The following CAMKMT variants were observed in gnomAD, a reference collection of about 807,000 sequenced individuals.
CAMKMT encodes the protein CaM KMT.
In CAMKMT, 53 loss-of-function variants were observed where a neutral mutation model predicts 48.0. The ratio of observed to expected loss-of-function variants is 1.10; its 90% CI spans 0.89 to 1.39. CAMKMT has a LOEUF of 1.39. CAMKMT is among the 40% of genes most tolerant of loss of function. CAMKMT has a pLI of 0.00. For missense variants in CAMKMT, 428 were observed against 402.7 expected (o/e 1.06, Z -0.54); for synonymous variants, 165 against 152.3 (o/e 1.08, Z -0.61).
At chr2:44,768,361 ATTT>A (rs1553448674) in intron 10 of CAMKMT, among the ~76,000 whole-genome samples, 12 of 115,708 alleles carry the variant, frequency 1.0e-4, no homozygotes, top group African/African-American at 1.5e-4. Context: ...ATATATATAT[ATTT>A]TTTTTTTTTT....
In CAMKMT at chr2:44,390,306, G is replaced by T. The variant is rs1681204384; in HGVS notation, c.376+1G>T. 3.8e-6 allele frequency: 6 copies of T among 1,593,004 alleles called. No individual in the cohort carries two copies. The highest frequency in any genetic ancestry group is 4.3e-6 in the Non-Finnish European group (5 of 1,165,192). On this transcript the variant is annotated splice_donor_variant, in intron 3 of 10. Coordinates refer to ENST00000378494, the MANE Select transcript of CAMKMT (RefSeq NM_024766.5). LOFTEE classifies it high-confidence loss of function. ...AGCTTTGACAATACAGGAAATGTTT[G>T]TAAGTTATACATTCACTCTATAGAA...
intron 3 of CAMKMT, among the ~76,000 whole-genome samples, chr2:44,655,266 A>ATTT (rs1674314130): frequency 6.6e-6 from 1 of 152,226 alleles, no homozygotes; most frequent in South Asian, 2.1e-4. Context: ...ATAAATGATA[A>ATTT]GCTCCCAAAT....
intron 3 of CAMKMT, among the ~76,000 whole-genome samples, chr2:44,485,193 G>A (rs1669157102): frequency 1.3e-5 from 2 of 152,090 alleles, no homozygotes; most frequent in South Asian, 2.1e-4. Context: ...TGGCAATTTC[G>A]TTCTCTGGTA....
intron 3 of CAMKMT, among the ~76,000 whole-genome samples, chr2:44,424,212 A>AT (rs932954546): frequency 1.3e-5 from 2 of 151,608 alleles, no homozygotes; most frequent in Non-Finnish European, 2.9e-5. Context: ...GTATTTCTTA[A>AT]TTTTTTTCAA....
intron 3 of CAMKMT, among the ~76,000 whole-genome samples, chr2:44,620,439 G>T (rs1486736124): frequency 6.6e-6 from 1 of 151,904 alleles, no homozygotes; most frequent in East Asian, 1.9e-4. Context: ...TCTGTGCCTG[G>T]GCTGTCAAAA....
intron 10 of CAMKMT, among the ~76,000 whole-genome samples, chr2:44,769,733 G>T (rs1445018365): frequency 6.6e-6 from 1 of 152,006 alleles, no homozygotes; most frequent in Non-Finnish European, 1.5e-5. Flanking sequence ...AATAGGCTTG[G>T]GCTGGGCTGT....
chr2:44,601,250 A>G (rs1670969749), intron 3 of CAMKMT, among the ~76,000 whole-genome samples: 1 of 152,062 alleles, frequency 6.6e-6, no homozygotes, highest in South Asian at 2.1e-4. Context: ...TGAGGTGAGG[A>G]GTTTGAGACC....
chr2:44,546,243 C>G (rs1432256417), intron 3 of CAMKMT, among the ~76,000 whole-genome samples: 1 of 149,214 alleles, frequency 6.7e-6, no homozygotes, highest in Non-Finnish European at 1.5e-5. Flanking sequence ...AATTTCACAT[C>G]TAAGTTCTGA....
intron 3 of CAMKMT, among the ~76,000 whole-genome samples, chr2:44,425,690 A>C (rs898671701): frequency 6.6e-6 from 1 of 151,978 alleles, no homozygotes; most frequent in Non-Finnish European, 1.5e-5. Flanking sequence ...TATTTCAGGG[A>C]GACCAGTGTA....
intron 3 of CAMKMT, among the ~76,000 whole-genome samples, chr2:44,541,292 T>A (rs543131608): frequency 6.6e-6 from 1 of 152,180 alleles, no homozygotes; most frequent in African/African-American, 2.4e-5. Context: ...TTAGAGAGAA[T>A]AGACATCTTT....
At position 44,629,304 on chromosome 2, in the gene CAMKMT, G is replaced by A. The variant is rs76367814; in HGVS notation, c.377-74979G>A. 4.1e-3 allele frequency among the ~76,000 whole-genome samples: 625 copies of A among 152,034 alleles called. 27 individuals carry two copies. In the East Asian group the frequency reaches 0.1, roughly 25 times the overall value. On this transcript the variant is annotated intron_variant, in intron 3 of 10. Coordinates refer to ENST00000378494, the MANE Select transcript of CAMKMT (RefSeq NM_024766.5). The stretch of plus-strand genomic sequence containing the variant: ...TTATCCTCAGTAATATTTGTTCTTT[G>A]AAGTCCGCTGTGTCTGATATCAATA...
chr2:44,663,362 T>C (rs1674781938), intron 3 of CAMKMT, among the ~76,000 whole-genome samples: 1 of 152,224 alleles, frequency 6.6e-6, no homozygotes. Flanking sequence ...CCTTTGTCCA[T>C]AGCTTCTACA....
At chr2:44,484,490 T>A (rs1232882718) in intron 3 of CAMKMT, among the ~76,000 whole-genome samples, 4 of 151,996 alleles carry the variant, frequency 2.6e-5, no homozygotes, top group Admixed American at 1.3e-4. Context: ...ATGGTATTTT[T>A]AATAAAATAT....
At chr2:44,362,168 C>A in intron 1 of CAMKMT, 23 bp downstream of exon 1, 1 of 1,450,340 alleles carries the variant, frequency 6.9e-7, no homozygotes, top group Non-Finnish European at 9.0e-7. Context: ...CTGCTCGCCT[C>A]ACCTTTGCCT....
intron 3 of CAMKMT, among the ~76,000 whole-genome samples, chr2:44,482,767 T>C (rs529082042): frequency 1.3e-5 from 2 of 152,198 alleles, no homozygotes; most frequent in East Asian, 3.9e-4. Context: ...ATGTTTCTTT[T>C]TGTAGAGGGG....
rs567694106 is a variant in CAMKMT, at chr2:44,754,509, GTTAT to G, written c.762+401_762+404del. Among the ~76,000 whole-genome samples the G allele has an allele frequency of 3.6e-4, 54 of 151,996 alleles. No homozygotes were observed. The South Asian group carries it at 0.011, about 31-fold the overall frequency. On this transcript the variant is annotated intron_variant, in intron 9 of 10. Coordinates refer to ENST00000378494, the MANE Select transcript of CAMKMT (RefSeq NM_024766.5). ...CCTTCAATGGCAACCTTTCTCATTG[GTTAT>G]TTATTTATTGCAAAATAATACTTTT...
intron 3 of CAMKMT, among the ~76,000 whole-genome samples, chr2:44,394,613 A>G (rs1054054093): frequency 4.6e-5 from 7 of 152,168 alleles, no homozygotes; most frequent in Admixed American, 6.5e-5. Context: ...TTTTTAGTAG[A>G]GACGGAGTTT....
At chr2:44,660,169 T>C (rs1333542642) in intron 3 of CAMKMT, among the ~76,000 whole-genome samples, 1 of 152,254 alleles carries the variant, frequency 6.6e-6, no homozygotes, top group Non-Finnish European at 1.5e-5. Flanking sequence ...AGAGTGTCAT[T>C]ATTTTTACAA....
chr2:44,714,260 C>T (rs1382829638), intron 6 of CAMKMT, among the ~76,000 whole-genome samples: 1 of 152,160 alleles, frequency 6.6e-6, no homozygotes, highest in Non-Finnish European at 1.5e-5. Context: ...AGTTATAGTG[C>T]CAGGAAGTGG....
Sources: allele counts gnomAD v4.1 joint callset (sites outside exome capture counted in the v4.1 genomes callset), GRCh38; gene constraint gnomAD v4.1.1; transcripts MANE v1.5; gene names NCBI Gene and HGNC (gene_info 2026-07-23, HGNC 2026-07-21).